Variants in RAB8B observed in about 807,000 individuals in gnomAD.
RAB8B encodes ras-related protein Rab-8B.
RAB8B carries 11 observed loss-of-function variants against 32.0 expected under a neutral mutation model. The ratio of observed to expected loss-of-function variants is 0.34; its 90% CI spans 0.22 to 0.57. RAB8B has a LOEUF of 0.57. Ranked by LOEUF, RAB8B falls within the 20% of genes least tolerant of loss-of-function variation. RAB8B has a pLI of 0.86. For synonymous variants in RAB8B, 103 were observed against 89.6 expected (o/e 1.15, Z -0.85); for missense variants, 190 against 258.5 (o/e 0.73, Z 1.82).
intron 1 of RAB8B, among the ~76,000 whole-genome samples, chr15:63,232,863 C>T (rs2037946531): frequency 6.6e-6 from 1 of 151,916 alleles, no homozygotes. Context: ...TTGTGTTTTT[C>T]CTCCTAAACT....
rs5813199 is a variant in RAB8B, at chr15:63,214,085, GA to G, written c.124+24347del. On this transcript the variant is annotated intron_variant, in intron 1 of 7. Coordinates refer to ENST00000321437, the MANE Select transcript of RAB8B (RefSeq NM_016530.3). ...GACAGAGCGAGACTCTGTCTCAGGG[GA>G]AAAAAAAAAGTGGTTTCGTTTGCTA... Among the ~76,000 whole-genome samples the G allele has an allele frequency of 2.2e-3, 332 of 147,720 alleles. 1 individual carries two copies. Among genetic ancestry groups the G allele is most frequent in the East Asian group, 0.014 (68 of 5,022 alleles).
intron 1 of RAB8B, among the ~76,000 whole-genome samples, chr15:63,203,591 C>G (rs1381388220): frequency 6.6e-6 from 1 of 152,226 alleles, no homozygotes; most frequent in African/African-American, 2.4e-5. Context: ...TTCATTGTTA[C>G]AGCACTTGAT....
intron 1 of RAB8B, among the ~76,000 whole-genome samples, chr15:63,196,874 C>G (rs1039777182): frequency 6.6e-6 from 1 of 152,148 alleles, no homozygotes; most frequent in African/African-American, 2.4e-5. Flanking sequence ...CCATAATAAG[C>G]TGTTTTAACA....
intron 1 of RAB8B, among the ~76,000 whole-genome samples, chr15:63,213,461 T>C (rs1433874823): frequency 6.6e-6 from 1 of 152,216 alleles, no homozygotes; most frequent in East Asian, 1.9e-4. Context: ...TCTATTTAGT[T>C]ACTGTACTTA....
chr15:63,194,534 T>C (rs1362804929), intron 1 of RAB8B, among the ~76,000 whole-genome samples: 1 of 152,258 alleles, frequency 6.6e-6, no homozygotes, highest in Non-Finnish European at 1.5e-5. Flanking sequence ...CTTTGCCCTT[T>C]CTGTGTCTAT....
At chr15:63,229,601 T>A (rs1352666399) in intron 1 of RAB8B, among the ~76,000 whole-genome samples, 1 of 151,788 alleles carries the variant, frequency 6.6e-6, no homozygotes, top group Non-Finnish European at 1.5e-5. Flanking sequence ...GCCAACATGG[T>A]GAAACCATGT....
chr15:63,246,151 G>T (rs1411304612), intron 2 of RAB8B, among the ~76,000 whole-genome samples: 1 of 152,194 alleles, frequency 6.6e-6, no homozygotes, highest in Non-Finnish European at 1.5e-5. Context: ...GGGATTACAG[G>T]CGTGAGCCAC....
intron 2 of RAB8B, among the ~76,000 whole-genome samples, chr15:63,249,418 A>G (rs1200512781): frequency 2.0e-5 from 3 of 152,060 alleles, no homozygotes; most frequent in Non-Finnish European, 4.4e-5. Flanking sequence ...GCTTTTATCA[A>G]GGTCTGAGTT....
chr15:63,217,280 T>A (rs767445022), intron 1 of RAB8B, among the ~76,000 whole-genome samples: 5 of 152,228 alleles, frequency 3.3e-5, no homozygotes, highest in Non-Finnish European at 5.9e-5. Flanking sequence ...ATTACTTTCT[T>A]TTTGTGTAAA....
rs773584308 is a variant in RAB8B, at chr15:63,256,576, A to G, written c.396A>G (p.Ser132=). The change falls in exon 5 of 8, where the codon TCA becomes TCG. Residue 132 remains serine (S), a synonymous_variant. Coordinates refer to ENST00000321437, the MANE Select transcript of RAB8B (RefSeq NM_016530.3). ...KCDMNDKRQV[S]KERGEKLAID... ...ATATGAATGACAAAAGACAAGTGTC[A>G]AAAGAAAGAGGGGAGAAGGTAAATG... The G allele has an allele frequency of 6.2e-7, 1 of 1,601,922 alleles. No individual in the cohort carries two copies. The highest frequency in any genetic ancestry group is 2.3e-5 in the East Asian group (1 of 43,584).
At chr15:63,194,043 A>G (rs190430219) in intron 1 of RAB8B, among the ~76,000 whole-genome samples, 1 of 152,210 alleles carries the variant, frequency 6.6e-6, no homozygotes, top group Non-Finnish European at 1.5e-5. Context: ...TTGACAGGAC[A>G]ATCAGAGCTT....
intron 1 of RAB8B, among the ~76,000 whole-genome samples, chr15:63,201,291 G>A (rs1378001817): frequency 6.6e-6 from 1 of 152,218 alleles, no homozygotes; most frequent in Non-Finnish European, 1.5e-5. Context: ...AGGAGAGGTC[G>A]AGGAAGGGCT....
intron 1 of RAB8B, among the ~76,000 whole-genome samples, chr15:63,241,355 AT>A (rs1268937259): frequency 6.6e-6 from 1 of 152,268 alleles, no homozygotes; most frequent in Non-Finnish European, 1.5e-5. Flanking sequence ...CTCAAAAAAA[AT>A]AAGTGAATGA....
chr15:63,215,892 G>A (rs140453221), intron 1 of RAB8B, among the ~76,000 whole-genome samples: 1,774 of 152,010 alleles, frequency 0.012, 36 homozygotes, highest in African/African-American at 0.041. Flanking sequence ...TTAAAAATTA[G>A]CCAGGTGTGG....
chr15:63,244,753 C>A lies in RAB8B; in HGVS notation c.125-3C>A. 2 of 1,562,818 alleles carry A rather than the reference C, an allele frequency of 1.3e-6. No homozygotes were observed. Among genetic ancestry groups the A allele is most frequent in the East Asian group, 2.2e-5 (1 of 44,468 alleles). On this transcript the variant is annotated splice_polypyrimidine_tract_variant and splice_region_variant and intron_variant, in intron 1 of 7. Coordinates refer to ENST00000321437, the MANE Select transcript of RAB8B (RefSeq NM_016530.3). ...AACATATCTTTCTTTGTTTTTCTGGCAGGAATTGATTTTAAAATTAGAACG... is the reference window on the plus strand; with the variant it reads ...AACATATCTTTCTTTGTTTTTCTGGAAGGAATTGATTTTAAAATTAGAACG...
At chr15:63,254,316 A>G (rs367577893) in intron 3 of RAB8B, among the ~76,000 whole-genome samples, 4 of 152,174 alleles carry the variant, frequency 2.6e-5, no homozygotes, top group Non-Finnish European at 5.9e-5. Context: ...CACCCCTAGC[A>G]TATGAGCTCC....
At chr15:63,219,022 T>TTTTA (rs1470238357) in intron 1 of RAB8B, among the ~76,000 whole-genome samples, 3 of 145,564 alleles carry the variant, frequency 2.1e-5, no homozygotes, top group Non-Finnish European at 4.5e-5. Flanking sequence ...TTTTTTTTTT[T>TTTTA]TTTTTTTTTT....
In RAB8B at chr15:63,249,653, C is replaced by T; in HGVS notation, c.194C>T (p.Ala65Val). The change falls in exon 3 of 8, where the codon GCG becomes GTG. Residue 65 changes from alanine to valine, a missense_variant. Physicochemically the swap from Ala to Val is moderately conservative, Grantham distance 64. Around this residue, in one of 2 missense-constraint regions of RAB8B, gnomAD observed 80 missense variants for 142.6 expected, o/e 0.56. Coordinates refer to ENST00000321437, the MANE Select transcript of RAB8B (RefSeq NM_016530.3). ...TTTGTTTCATATTTTAGGGACACAGCGGGTCAGGAAAGATTCCGAACAATC... is the reference window on the plus strand; with the variant it reads ...TTTGTTTCATATTTTAGGGACACAGTGGGTCAGGAAAGATTCCGAACAATC... ...KKIKLQIWDT[A>V]GQERFRTITT... The T allele has an allele frequency of 1.9e-6, 3 of 1,613,442 alleles. No homozygotes were observed. Among genetic ancestry groups the T allele is most frequent in the South Asian group, 1.1e-5 (1 of 91,026 alleles).
At position 63,263,551 on chromosome 15, in the gene RAB8B, G is replaced by T. The variant is rs149310109; in HGVS notation, c.556G>T (p.Gly186Cys). The T allele has an allele frequency of 2.5e-6, 4 of 1,612,368 alleles. No homozygotes were observed. Among genetic ancestry groups the T allele is most frequent in the Non-Finnish European group, 3.4e-6 (4 of 1,178,380 alleles). The change falls in exon 8 of 8, where the codon GGT (glycine) becomes TGT (cysteine). Residue 186 changes from glycine to cysteine, a missense_variant. Coordinates refer to ENST00000321437, the MANE Select transcript of RAB8B (RefSeq NM_016530.3). The stretch of plus-strand genomic sequence containing the variant: ...GAATGACAGCAATTCAGCAGGAGCA[G>T]GTGGACCAGTGAAAATAACAGAAAA... ...KMNDSNSAGA[G>C]GPVKITENRS...
Sources: gnomAD v4.1 joint callset for allele counts (sites outside exome capture counted in the v4.1 genomes callset) on GRCh38, gnomAD v4.1.1 for gene constraint, gnomAD v4.1.1 regional missense constraint, MANE v1.5 for transcripts, NCBI Gene and HGNC (gene_info 2026-07-23, HGNC 2026-07-21) for gene names.